ACCSL: variants seen among roughly 807,000 people sequenced by gnomAD.
ACCSL encodes 1-aminocyclopropane-1-carboxylate synthase homolog (inactive) like, also known as probable inactive 1-aminocyclopropane-1-carboxylate synthase-like protein 2.
ACCSL carries 55 observed loss-of-function variants against 61.7 expected under a neutral mutation model. The ratio of observed to expected loss-of-function variants is 0.89; its 90% CI spans 0.72 to 1.12. ACCSL has a LOEUF of 1.12. Among genes scored for constraint, ACCSL ranks in the 50% most tolerant of loss-of-function variants. The pLI is 0.00. For missense variants in ACCSL, 632 were observed against 698.0 expected (o/e 0.91, Z 1.07); for synonymous variants, 258 against 264.3 (o/e 0.98, Z 0.23).
chr11:43,968,312 T>A, the ACCSL span, among the ~76,000 whole-genome samples: 1 of 152,014 alleles, frequency 6.6e-6, no homozygotes, highest in Non-Finnish European at 1.5e-5. Context: ...CTATTCAGCA[T>A]CCCCCTGAGC....
chr11:43,975,223 G>A, the ACCSL span, among the ~76,000 whole-genome samples: 1 of 152,128 alleles, frequency 6.6e-6, no homozygotes, highest in Non-Finnish European at 1.5e-5. Flanking sequence ...TTATGTAGAG[G>A]CAAGAAGTTT....
the ACCSL span, among the ~76,000 whole-genome samples, chr11:43,994,170 A>G: frequency 6.6e-6 from 1 of 152,122 alleles, no homozygotes; most frequent in Non-Finnish European, 1.5e-5. Flanking sequence ...TATTTTTTGC[A>G]TTTCTTTTAT....
At chr11:44,032,909 C>T in the ACCSL span, among the ~76,000 whole-genome samples, 17 of 152,264 alleles carry the variant, frequency 1.1e-4, no homozygotes, top group African/African-American at 3.1e-4. Context: ...GAGGCTCCCC[C>T]GAGGGAGACG....
chr11:43,955,189 C>G, the ACCSL span, among the ~76,000 whole-genome samples: 1 of 152,240 alleles, frequency 6.6e-6, no homozygotes, highest in African/African-American at 2.4e-5. Flanking sequence ...CAATTTTCTG[C>G]ACCTCCCTTG....
At chr11:43,954,670 C>T in the ACCSL span, among the ~76,000 whole-genome samples, 12 of 151,944 alleles carry the variant, frequency 7.9e-5, no homozygotes, top group African/African-American at 1.7e-4. Context: ...CTGCAACCTC[C>T]GCCTTTCAGG....
chr11:44,032,215 G>T, the ACCSL span, among the ~76,000 whole-genome samples: 1 of 152,196 alleles, frequency 6.6e-6, no homozygotes. Context: ...GCTTTGCTGG[G>T]GCTGGGATAT....
At chr11:44,000,438 TAA>T in the ACCSL span, among the ~76,000 whole-genome samples, 12 of 142,622 alleles carry the variant, frequency 8.4e-5, no homozygotes, top group African/African-American at 1.0e-4. Context: ...GTCTCTATTT[TAA>T]AAAAAAAAAG....
chr11:43,930,483 C>G, the ACCSL span, among the ~76,000 whole-genome samples: 1 of 152,126 alleles, frequency 6.6e-6, no homozygotes, highest in African/African-American at 2.4e-5. Context: ...TGAGTGAGTT[C>G]TTGCTCTGTT....
chr11:44,042,884 T>C, the ACCSL span, among the ~76,000 whole-genome samples: 9,045 of 151,992 alleles, frequency 0.06, 496 homozygotes, highest in African/African-American at 0.14. Context: ...AGATTGAAAC[T>C]GGCCTGGGCA....
the ACCSL span, among the ~76,000 whole-genome samples, chr11:44,034,685 T>C: frequency 0.84 from 127,323 of 152,186 alleles, 53,388 homozygotes; most frequent in African/African-American, 0.88. Context: ...AATTACCTCC[T>C]ACCAGGTGCC....
the ACCSL span, among the ~76,000 whole-genome samples, chr11:43,937,393 G>A: frequency 6.6e-6 from 1 of 152,228 alleles, no homozygotes; most frequent in African/African-American, 2.4e-5. Context: ...CTTCAAGGAG[G>A]TAACATCTGA....
chr11:43,942,048 G>C, the ACCSL span, among the ~76,000 whole-genome samples: 1 of 150,450 alleles, frequency 6.6e-6, no homozygotes, highest in Non-Finnish European at 1.5e-5. Flanking sequence ...GTGTGTGTGT[G>C]TGTGTGTGTG....
chr11:44,003,642 C>CAAAA, the ACCSL span, among the ~76,000 whole-genome samples: 1 of 141,326 alleles, frequency 7.1e-6, no homozygotes. Context: ...GACTTTGTCT[C>CAAAA]AAAAAAAAAA....
chr11:44,023,951 T>C, the ACCSL span, among the ~76,000 whole-genome samples: 8 of 152,156 alleles, frequency 5.3e-5, no homozygotes, highest in Non-Finnish European at 1.0e-4. Flanking sequence ...TATGTGTGGA[T>C]TTCCTGAATT....
the ACCSL span, among the ~76,000 whole-genome samples, chr11:43,928,142 A>G: frequency 6.6e-6 from 1 of 152,094 alleles, no homozygotes; most frequent in African/African-American, 2.4e-5. Context: ...ACCCCTTGGT[A>G]GCTTATGTTG....
the ACCSL span, among the ~76,000 whole-genome samples, chr11:43,985,149 C>G: frequency 6.6e-6 from 1 of 152,206 alleles, no homozygotes; most frequent in South Asian, 2.1e-4. Context: ...TGCTTTCTCC[C>G]TTTCTCAGAG....
chr11:44,020,253 T>C, the ACCSL span, among the ~76,000 whole-genome samples: 1 of 152,158 alleles, frequency 6.6e-6, no homozygotes, highest in Non-Finnish European at 1.5e-5. Context: ...TTTCTATATA[T>C]AAGATCATAT....
chr11:43,935,269 T>C, the ACCSL span, among the ~76,000 whole-genome samples: 1 of 151,946 alleles, frequency 6.6e-6, no homozygotes, highest in African/African-American at 2.4e-5. Flanking sequence ...CATACACACA[T>C]GTACAAGCGG....
At chr11:43,984,587 AG>A in the ACCSL span, among the ~76,000 whole-genome samples, 1 of 152,252 alleles carries the variant, frequency 6.6e-6, no homozygotes, top group African/African-American at 2.4e-5. Context: ...CACTGCAACC[AG>A]GCTCAGAATA....
Sources: gnomAD v4.1 joint callset for allele counts (sites outside exome capture counted in the v4.1 genomes callset) on GRCh38, gnomAD v4.1.1 for gene constraint, MANE v1.5 for transcripts, NCBI Gene and HGNC (gene_info 2026-07-23, HGNC 2026-07-21) for gene names.